The following ERG variants were observed in gnomAD, a reference collection of about 807,000 sequenced individuals.
The protein encoded by ERG is transcriptional regulator ERG.
In ERG, 9 loss-of-function variants were observed where a neutral mutation model predicts 55.3. That is an observed-to-expected ratio of 0.16 (90% CI 0.10 to 0.28). The LOEUF (loss-of-function observed/expected upper bound fraction) is 0.28, where lower values mean the gene tolerates loss of function less well. Among genes scored for constraint, ERG ranks in the 10% least tolerant of loss-of-function variants. The pLI is 1.00. For missense variants in ERG, 434 were observed against 631.6 expected (o/e 0.69, Z 3.35); for synonymous variants, 223 against 237.3 (o/e 0.94, Z 0.55).
intron 6 of ERG, among the ~76,000 whole-genome samples, chr21:38,398,533 A>T (rs1333694217): frequency 6.6e-6 from 1 of 152,180 alleles, no homozygotes; most frequent in African/African-American, 2.4e-5. Context: ...CTCCCAGGTC[A>T]CGCTCAAATT....
intron 6 of ERG, chr21:38,395,688 A>T (rs1569062594): frequency 5.8e-6 from 1 of 172,884 alleles, no homozygotes; most frequent in Admixed American, 6.4e-5. Context: ...AGCTACAAAT[A>T]GGGACTCGGC....
chr21:38,421,996 G>T (rs1989566416), intron 3 of ERG, among the ~76,000 whole-genome samples: 1 of 152,222 alleles, frequency 6.6e-6, no homozygotes, highest in African/African-American at 2.4e-5. Flanking sequence ...GGGATTACAG[G>T]TGTGAGCCAC....
intron 1 of ERG, among the ~76,000 whole-genome samples, chr21:38,446,566 T>C (rs2058894338): frequency 1.3e-5 from 2 of 152,200 alleles, no homozygotes; most frequent in African/African-American, 4.8e-5. Context: ...TTTTGGTTCT[T>C]ATAACAGACA....
At chr21:38,472,998 G>A (rs966871627) in intron 1 of ERG, among the ~76,000 whole-genome samples, 3 of 152,134 alleles carry the variant, frequency 2.0e-5, no homozygotes, top group South Asian at 2.1e-4. Flanking sequence ...CTGCAGACCC[G>A]GCATGAGGCA....
intron 1 of ERG, among the ~76,000 whole-genome samples, chr21:38,467,404 A>G (rs1387051549): frequency 6.6e-6 from 1 of 152,228 alleles, no homozygotes; most frequent in Non-Finnish European, 1.5e-5. Flanking sequence ...GGTGGAAACC[A>G]AAGTGTGCAA....
intron 2 of ERG, among the ~76,000 whole-genome samples, chr21:38,505,020 A>G (rs2059449565): frequency 6.6e-6 from 1 of 152,244 alleles, no homozygotes; most frequent in Non-Finnish European, 1.5e-5. Flanking sequence ...GCCTGCATTA[A>G]TAATTTTTCC....
At chr21:38,605,752 G>C (rs550471413) in intron 1 of ERG, among the ~76,000 whole-genome samples, 1 of 152,126 alleles carries the variant, frequency 6.6e-6, no homozygotes, top group South Asian at 2.1e-4. Flanking sequence ...CTAAGGCTAC[G>C]TGCAGCAAAA....
chr21:38,413,588 C>T (rs2146480319), intron 3 of ERG, among the ~76,000 whole-genome samples: 1 of 152,228 alleles, frequency 6.6e-6, no homozygotes, highest in Non-Finnish European at 1.5e-5. Flanking sequence ...TTTAAAAATA[C>T]ATGACTAAAT....
intron 1 of ERG, among the ~76,000 whole-genome samples, chr21:38,661,042 G>A (rs533988897): frequency 5.0e-4 from 76 of 151,976 alleles, no homozygotes; most frequent in African/African-American, 1.8e-3. Context: ...AAGAGGAGGA[G>A]GGAGGCGGAG....
chr21:38,387,545 G>A (rs1257500463), intron 9 of ERG, among the ~76,000 whole-genome samples: 1 of 152,152 alleles, frequency 6.6e-6, no homozygotes, highest in Non-Finnish European at 1.5e-5. Flanking sequence ...GTAAAGTGGG[G>A]GTGATGGTAA....
At chr21:38,407,338 T>C (rs1988817991) in intron 3 of ERG, among the ~76,000 whole-genome samples, 2 of 152,148 alleles carry the variant, frequency 1.3e-5, no homozygotes, top group African/African-American at 4.8e-5. Context: ...ATATATTTAT[T>C]GATATGATAA....
At chr21:38,641,104 T>C (rs2060422038) in intron 1 of ERG, among the ~76,000 whole-genome samples, 1 of 152,198 alleles carries the variant, frequency 6.6e-6, no homozygotes, top group South Asian at 2.1e-4. Flanking sequence ...TTCAGAGCCA[T>C]CCCATGCTCA....
At chr21:38,453,996 T>A (rs771927926) in intron 1 of ERG, among the ~76,000 whole-genome samples, 14 of 151,992 alleles carry the variant, frequency 9.2e-5, no homozygotes, top group Admixed American at 2.0e-4. Flanking sequence ...CCTGTTTGTA[T>A]GTTTTACATT....
rs553411729 is a variant in ERG, at chr21:38,422,259, C to T, written c.388+1151G>A. Among the ~76,000 whole-genome samples, 3 of 152,318 alleles carry T rather than the reference C, an allele frequency of 2.0e-5. No individual in the cohort carries two copies. The East Asian group carries it at 5.8e-4, about 29-fold the overall frequency. On this transcript the variant is annotated intron_variant, in intron 3 of 9. Coordinates refer to ENST00000288319, the MANE Select transcript of ERG (RefSeq NM_182918.4). The stretch of plus-strand genomic sequence containing the variant: ...GCTGAGCTGACGCCAAATTCAAATC[C>T]CTGAGGCAGGACCGCAGGGTGACCA...
chr21:38,525,439 C>T (rs1402905458), intron 2 of ERG, among the ~76,000 whole-genome samples: 1 of 152,178 alleles, frequency 6.6e-6, no homozygotes, highest in East Asian at 1.9e-4. Context: ...CATCCAAAAG[C>T]CTGCCAGACA....
rs183748925 is a variant in ERG at position 38,592,948 on chromosome 21, T to C, written c.-149-8003A>G. On this transcript the variant is annotated intron_variant, in intron 1 of 10. Transcript: ENST00000398910. ...ATCAACCTTTCTCCCCAGTGCGTCT[T>C]CCCATTTTTTATGTGTGTGTCAGGA... is the stretch of plus-strand genomic sequence containing the variant. 1.6e-3 allele frequency among the ~76,000 whole-genome samples: 242 copies of C among 152,306 alleles called. 1 individual carries two copies. The highest frequency in any genetic ancestry group is 4.5e-3 in the African/African-American group (188 of 41,572).
At chr21:38,632,433 T>C (rs1305729849) in intron 1 of ERG, among the ~76,000 whole-genome samples, 1 of 152,096 alleles carries the variant, frequency 6.6e-6, no homozygotes, top group East Asian at 1.9e-4. Flanking sequence ...GGTGATAGGG[T>C]TTGGATCTGT....
chr21:38,603,345 G>T (rs1283004255), intron 1 of ERG, among the ~76,000 whole-genome samples: 4 of 152,054 alleles, frequency 2.6e-5, no homozygotes, highest in Non-Finnish European at 5.9e-5. Context: ...TTGGGGCCAG[G>T]CACGGTGGCT....
In ERG at chr21:38,513,477, C is replaced by G. The variant is rs181317316; in HGVS notation, c.-41+62185G>C. Among the ~76,000 whole-genome samples the G allele has an allele frequency of 3.9e-5, 6 of 152,288 alleles. No individual in the cohort carries two copies. The South Asian group carries it at 8.3e-4, about 21-fold the overall frequency. ...GTATGAGGAAATATCTTGACATCTA[C>G]AGACAAATATTTGTTGCCAATTCAT... On this transcript the variant is annotated intron_variant, in intron 2 of 8. Coordinates refer to the ERG transcript ENST00000398897.
Sources: allele counts gnomAD v4.1 joint callset (sites outside exome capture counted in the v4.1 genomes callset), GRCh38; gene constraint gnomAD v4.1.1; transcripts MANE v1.5; gene names NCBI Gene and HGNC (gene_info 2026-07-23, HGNC 2026-07-21).